GPM6A: variants seen among roughly 807,000 people sequenced by gnomAD.
GPM6A encodes glycoprotein M6A.
A neutral mutation model predicts 32.1 loss-of-function variants in GPM6A; 7 were observed. The observed-to-expected ratio is 0.22, with a 90% CI of 0.12 to 0.41. GPM6A has a LOEUF of 0.41. GPM6A is among the 10% of genes least tolerant of loss of function. The pLI is 1.00. For synonymous variants in GPM6A, 130 were observed against 123.4 expected (o/e 1.05, Z -0.35); for missense variants, 235 against 347.2 (o/e 0.68, Z 2.57).
At chr4:176,000,677 T>C (rs149593674) in intron 1 of GPM6A, among the ~76,000 whole-genome samples, 1,589 of 152,282 alleles carry the variant, frequency 0.01, 16 homozygotes, top group Non-Finnish European at 0.013. Context: ...ATTTTGACTT[T>C]CCATTTCTGA....
At chr4:175,737,233 A>G (rs1247691010) in intron 1 of GPM6A, among the ~76,000 whole-genome samples, 1 of 152,116 alleles carries the variant, frequency 6.6e-6, no homozygotes, top group Non-Finnish European at 1.5e-5. Context: ...AATTCCTGAG[A>G]CTGGGCAATC....
At chr4:175,897,426 C>T (rs192975613) in intron 1 of GPM6A, among the ~76,000 whole-genome samples, 13 of 152,252 alleles carry the variant, frequency 8.5e-5, no homozygotes, top group Non-Finnish European at 1.2e-4. Context: ...CTGTGAAATG[C>T]GGTCTGCAGA....
intron 2 of GPM6A, among the ~76,000 whole-genome samples, chr4:175,696,829 T>C (rs1005290582): frequency 6.6e-6 from 1 of 152,194 alleles, no homozygotes; most frequent in African/African-American, 2.4e-5. Flanking sequence ...AACTGTTTCC[T>C]ACTTCATTAA....
chr4:175,891,525 C>G (rs1737648056), intron 1 of GPM6A: 1 of 152,226 alleles, frequency 6.6e-6, no homozygotes, highest in South Asian at 2.1e-4. Flanking sequence ...GTGCTCCACG[C>G]TTTCTTATGA....
At chr4:175,638,666 T>C (rs1740955525) in intron 6 of GPM6A, among the ~76,000 whole-genome samples, 1 of 152,160 alleles carries the variant, frequency 6.6e-6, no homozygotes. Flanking sequence ...TATATGCACA[T>C]ATATGTAGCA....
intron 1 of GPM6A, among the ~76,000 whole-genome samples, chr4:175,784,266 T>C (rs1017867764): frequency 2.6e-5 from 4 of 152,130 alleles, no homozygotes; most frequent in Non-Finnish European, 4.4e-5. Context: ...ACTAGTATTC[T>C]TCAAAAGTGT....
At chr4:175,770,411 C>T (rs1286193481) in intron 1 of GPM6A, among the ~76,000 whole-genome samples, 2 of 152,144 alleles carry the variant, frequency 1.3e-5, no homozygotes, top group Non-Finnish European at 2.9e-5. Flanking sequence ...TCTTGTCAGC[C>T]AGAATGACAT....
chr4:175,650,729 CCTATAATCT>C, intron 4 of GPM6A, among the ~76,000 whole-genome samples: 1 of 152,162 alleles, frequency 6.6e-6, no homozygotes, highest in East Asian at 1.9e-4. Context: ...AGTTGGCTAC[CCTATAATCT>C]ACTTACAGTA....
At chr4:175,670,195 G>GA (rs1323176004) in intron 3 of GPM6A, among the ~76,000 whole-genome samples, 1 of 152,130 alleles carries the variant, frequency 6.6e-6, no homozygotes, top group Non-Finnish European at 1.5e-5. Flanking sequence ...TAGATTTATG[G>GA]AAAATACATT....
At chr4:175,649,482 C>T (rs974912574) in intron 4 of GPM6A, among the ~76,000 whole-genome samples, 4 of 152,104 alleles carry the variant, frequency 2.6e-5, no homozygotes, top group Admixed American at 1.3e-4. Flanking sequence ...TTTCTAGAGT[C>T]TCCCAATGTT....
At chr4:175,849,287 C>A (rs1056834587) in intron 1 of GPM6A, among the ~76,000 whole-genome samples, 5 of 152,116 alleles carry the variant, frequency 3.3e-5, no homozygotes, top group African/African-American at 9.7e-5. Flanking sequence ...CTAATTCTGG[C>A]CAATGGATTA....
chr4:175,830,246 T>C (rs1246134778), intron 1 of GPM6A, among the ~76,000 whole-genome samples: 1 of 152,178 alleles, frequency 6.6e-6, no homozygotes, highest in East Asian at 1.9e-4. Flanking sequence ...CTTTGTTTTT[T>C]ATTTTTATTG....
At chr4:175,968,991 T>C (rs890820034) in intron 1 of GPM6A, among the ~76,000 whole-genome samples, 2 of 152,218 alleles carry the variant, frequency 1.3e-5, no homozygotes, top group Admixed American at 1.3e-4. Flanking sequence ...CATTCATAAT[T>C]GCAAATAACT....
At chr4:175,952,217 C>A (rs975615638) in intron 1 of GPM6A, among the ~76,000 whole-genome samples, 6 of 152,194 alleles carry the variant, frequency 3.9e-5, no homozygotes, top group African/African-American at 1.4e-4. Flanking sequence ...ATCTGTTTGA[C>A]TCTTGAGAGT....
intron 3 of GPM6A, among the ~76,000 whole-genome samples, chr4:175,657,568 A>G (rs1432402610): frequency 2.0e-5 from 3 of 152,138 alleles, no homozygotes; most frequent in African/African-American, 7.2e-5. Flanking sequence ...TAAAAAAACA[A>G]TGAGATGATA....
At chr4:175,841,229 T>C (rs1735925514) in intron 1 of GPM6A, among the ~76,000 whole-genome samples, 1 of 152,210 alleles carries the variant, frequency 6.6e-6, no homozygotes, top group African/African-American at 2.4e-5. Flanking sequence ...ATATATAAAT[T>C]GTATTTATAT....
chr4:176,001,515 C>T (rs1477958341), intron 1 of GPM6A, among the ~76,000 whole-genome samples: 1 of 152,186 alleles, frequency 6.6e-6, no homozygotes, highest in African/African-American at 2.4e-5. Context: ...TCTTCCTCCC[C>T]TCCGCCACAC....
intron 1 of GPM6A, among the ~76,000 whole-genome samples, chr4:175,828,959 A>C (rs1735522155): frequency 6.6e-6 from 1 of 152,120 alleles, no homozygotes; most frequent in Non-Finnish European, 1.5e-5. Context: ...GTTTGATTTC[A>C]GTTGTCCAGG....
chr4:175,956,443 TTTTA>T (rs1355566949), intron 1 of GPM6A, among the ~76,000 whole-genome samples: 1 of 152,226 alleles, frequency 6.6e-6, no homozygotes, highest in Non-Finnish European at 1.5e-5. Context: ...AATCTCTTCT[TTTTA>T]TTTGTTTATA....
Sources: gnomAD v4.1 joint callset for allele counts (sites outside exome capture counted in the v4.1 genomes callset) on GRCh38, gnomAD v4.1.1 for gene constraint, MANE v1.5 for transcripts, NCBI Gene and HGNC (gene_info 2026-07-23, HGNC 2026-07-21) for gene names.